Variants in MARK1 observed in about 807,000 individuals in gnomAD.
The protein encoded by MARK1 is microtubule affinity regulating kinase 1, also known as serine/threonine-protein kinase MARK1.
In MARK1, 40 loss-of-function variants were observed where a neutral mutation model predicts 96.3. The observed-to-expected ratio is 0.42, with a 90% CI of 0.32 to 0.54. MARK1 has a LOEUF of 0.54. MARK1 is among the 20% of genes least tolerant of loss of function. The pLI is 0.16. For missense variants in MARK1, 719 were observed against 984.6 expected, an observed-to-expected ratio of 0.73 and a Z score of 3.61; for synonymous variants, 317 against 341.2, an observed-to-expected ratio of 0.93 and a Z score of 0.78.
At chr1:220,656,816 G>C (rs1669202950) in intron 16 of MARK1, among the ~76,000 whole-genome samples, 1 of 151,794 alleles carries the variant, frequency 6.6e-6, no homozygotes, top group African/African-American at 2.4e-5. Context: ...TGTTTGTTAA[G>C]AAAGGCATGT....
At chr1:220,564,141 T>C (rs1045449509) in intron 1 of MARK1, among the ~76,000 whole-genome samples, 2 of 152,218 alleles carry the variant, frequency 1.3e-5, no homozygotes, top group African/African-American at 4.8e-5. Context: ...GTGGATTTAA[T>C]TTCTCTGAGT....
intron 13 of MARK1, among the ~76,000 whole-genome samples, chr1:220,642,513 G>A (rs1668337332): frequency 6.6e-6 from 1 of 152,154 alleles, no homozygotes; most frequent in African/African-American, 2.4e-5. Flanking sequence ...CTGGGGGGAG[G>A]GGCAGCTGTG....
intron 9 of MARK1, among the ~76,000 whole-genome samples, chr1:220,622,315 G>A (rs147011475): frequency 6.6e-6 from 1 of 152,250 alleles, no homozygotes; most frequent in Non-Finnish European, 1.5e-5. Flanking sequence ...CAAAATTTGA[G>A]CCTGAAGCAA....
At chr1:220,607,663 C>T (rs1318835507) in intron 6 of MARK1, among the ~76,000 whole-genome samples, 1 of 151,990 alleles carries the variant, frequency 6.6e-6, no homozygotes, top group Non-Finnish European at 1.5e-5. Flanking sequence ...CCAGTTTTTG[C>T]CCATTCAGTA....
intron 6 of MARK1, among the ~76,000 whole-genome samples, chr1:220,614,302 C>T (rs1465338093): frequency 6.6e-6 from 1 of 152,058 alleles, no homozygotes. Flanking sequence ...ATGAGTCCTA[C>T]CTGCTTTTCA....
At chr1:220,625,748 G>T in intron 9 of MARK1, 1 of 444,856 alleles carries the variant, frequency 2.2e-6, no homozygotes, top group South Asian at 1.7e-5. Context: ...AGATGACGCA[G>T]ACACAGGGCA....
chr1:220,530,315 A>G (rs1370937399), intron 1 of MARK1, among the ~76,000 whole-genome samples: 1 of 152,354 alleles, frequency 6.6e-6, no homozygotes, highest in East Asian at 1.9e-4. Context: ...TAATTGATAC[A>G]TAATTTTGAT....
chr1:220,546,600 T>C (rs532621741), intron 1 of MARK1, among the ~76,000 whole-genome samples: 1 of 152,358 alleles, frequency 6.6e-6, no homozygotes, highest in East Asian at 1.9e-4. Flanking sequence ...TTTATCTTTC[T>C]ATTACCACCT....
Position 220,632,271 on chromosome 1 carries a change from A to T in MARK1, c.1080A>T (p.Glu360Asp). ...CCTTAATAAATCAGAAGTATGATGA[A>T]GTTATGGCTACTTATATTCTTCTAG... ...NDALINQKYD[E>D]VMATYILLGR... The change falls in exon 11 of 18, where the codon GAA (glutamate) becomes GAT (aspartate). Residue 360 changes from glutamate (E) to aspartate (D), a missense_variant. Physicochemically the swap from Glu to Asp is conservative, Grantham distance 45. Transcript: ENST00000366917. The T allele has an allele frequency of 6.4e-7, 1 of 1,570,124 alleles. No homozygotes were observed. The highest frequency in any genetic ancestry group is 8.6e-7 in the Non-Finnish European group (1 of 1,159,988).
At chr1:220,649,798 G>A (rs998482716) in intron 13 of MARK1, among the ~76,000 whole-genome samples, 1 of 152,074 alleles carries the variant, frequency 6.6e-6, no homozygotes, top group African/African-American at 2.4e-5. Context: ...TTTAAATGCT[G>A]GGTTAGTCAA....
chr1:220,655,550 C>A (rs922524166), intron 16 of MARK1, among the ~76,000 whole-genome samples: 2 of 140,480 alleles, frequency 1.4e-5, no homozygotes, highest in African/African-American at 6.6e-5. Context: ...ATCCTTGACA[C>A]TTCTTTTCCT....
intron 6 of MARK1, among the ~76,000 whole-genome samples, chr1:220,614,897 T>G (rs1666653191): frequency 6.6e-6 from 1 of 152,030 alleles, no homozygotes; most frequent in Admixed American, 6.6e-5. Context: ...TACTTTGAAG[T>G]TTTTTTTCCA....
chr1:220,620,090 T>C (rs969841028), intron 9 of MARK1, among the ~76,000 whole-genome samples: 21 of 152,294 alleles, frequency 1.4e-4, no homozygotes, highest in Admixed American at 8.5e-4. Flanking sequence ...GCGACTTCCA[T>C]TGGGAAATTA....
At chr1:220,653,493 A>G (rs1669001845) in intron 16 of MARK1, 141 bp downstream of exon 16, 1 of 849,558 alleles carries the variant, frequency 1.2e-6, no homozygotes, top group Non-Finnish European at 1.7e-6. Context: ...GAGTTGGAAG[A>G]AAAAAATCTA....
At chr1:220,574,899 G>T (rs1663727357) in intron 1 of MARK1, among the ~76,000 whole-genome samples, 1 of 152,150 alleles carries the variant, frequency 6.6e-6, no homozygotes, top group South Asian at 2.1e-4. Flanking sequence ...CCAAAGTCCT[G>T]AGAGCAGAGC....
At chr1:220,538,843 GTTCAC>G (rs1181640649) in intron 1 of MARK1, among the ~76,000 whole-genome samples, 2 of 150,180 alleles carry the variant, frequency 1.3e-5, no homozygotes, top group African/African-American at 4.9e-5. Flanking sequence ...GTGAATGGGA[GTTCAC>G]TCATGATTTG....
At chr1:220,543,829 G>A (rs1661305380) in intron 1 of MARK1, among the ~76,000 whole-genome samples, 2 of 152,030 alleles carry the variant, frequency 1.3e-5, no homozygotes, top group Non-Finnish European at 2.9e-5. Context: ...CTTTGTTCTT[G>A]CTCAGTTTTT....
intron 5 of MARK1, among the ~76,000 whole-genome samples, chr1:220,600,737 A>G (rs1665681036): frequency 1.3e-5 from 2 of 152,170 alleles, no homozygotes; most frequent in Admixed American, 6.5e-5. Flanking sequence ...ATCAATAGAA[A>G]AACTTAGTGT....
Position 220,618,858 on chromosome 1 carries a change from TATCTA to T in MARK1, c.909+108_909+112del, listed in dbSNP as rs1666902911. The T allele has an allele frequency of 1.0e-6, 1 of 998,768 alleles. No homozygotes were observed. Among genetic ancestry groups the T allele is most frequent in the Non-Finnish European group, 1.4e-6 (1 of 705,878 alleles). The allele number at this position is 998,768 out of a possible 1,614,324, so 61.9% of individuals were successfully genotyped here. A position where few individuals can be genotyped will look rare whatever the true frequency, so the allele number is the denominator to read the frequency against. ...TGTTTTCTTAGGAAAATTGCCAAAT[TATCTA>T]ATCTGCCTTTTGTTTGTAGGTAGGG... On this transcript the variant is annotated intron_variant, in intron 9 of 17. Transcript: ENST00000366917. The surrounding 1 kb of genome is among the most constrained non-coding windows in gnomAD (Gnocchi z 4.6).
Sources: gnomAD v4.1 joint callset for allele counts (sites outside exome capture counted in the v4.1 genomes callset) on GRCh38, gnomAD v4.1.1 for gene constraint, Gnocchi (gnomAD v3.1) non-coding constraint, MANE v1.5 for transcripts, NCBI Gene and HGNC (gene_info 2026-07-23, HGNC 2026-07-21) for gene names.